The following PPP2R3A variants were observed in gnomAD, a reference collection of about 807,000 sequenced individuals.
PPP2R3A encodes the protein serine/threonine-protein phosphatase 2A regulatory subunit B'' subunit alpha.
PPP2R3A carries 80 observed loss-of-function variants against 106.9 expected under a neutral mutation model. The ratio of observed to expected loss-of-function variants is 0.75; its 90% CI spans 0.62 to 0.90. The LOEUF (loss-of-function observed/expected upper bound fraction) is 0.90, where lower values mean the gene tolerates loss of function less well. Among genes scored for constraint, PPP2R3A ranks in the 40% least tolerant of loss-of-function variants. The pLI is 0.00. For missense variants in PPP2R3A, 1,386 were observed against 1,350.4 expected, an observed-to-expected ratio of 1.03 and a Z score of -0.41; for synonymous variants, 483 against 468.3, an observed-to-expected ratio of 1.03 and a Z score of -0.41.
intron 2 of PPP2R3A, among the ~76,000 whole-genome samples, chr3:136,018,014 C>T (rs1295684204): frequency 6.6e-6 from 1 of 152,204 alleles, no homozygotes; most frequent in Non-Finnish European, 1.5e-5. Context: ...CACCTGTAAT[C>T]CCAGCACTTT....
intron 13 of PPP2R3A, among the ~76,000 whole-genome samples, chr3:136,115,861 A>G (rs1278054441): frequency 1.3e-5 from 2 of 152,110 alleles, no homozygotes; most frequent in Admixed American, 1.3e-4. Context: ...ACCTAGCAAG[A>G]CAGGCCAACA....
At chr3:136,085,465 A>G (rs1040721465) in intron 8 of PPP2R3A, among the ~76,000 whole-genome samples, 1 of 152,268 alleles carries the variant, frequency 6.6e-6, no homozygotes, top group East Asian at 1.9e-4. Flanking sequence ...AGACTAATAC[A>G]GATGGGGTTT....
chr3:136,122,136 T>G (rs984065083), intron 13 of PPP2R3A, among the ~76,000 whole-genome samples: 2 of 152,084 alleles, frequency 1.3e-5, no homozygotes, highest in African/African-American at 4.8e-5. Flanking sequence ...ATAAATGAAT[T>G]AGGCAATCCA....
intron 13 of PPP2R3A, among the ~76,000 whole-genome samples, chr3:136,119,073 T>C (rs1225334223): frequency 6.6e-6 from 1 of 152,276 alleles, no homozygotes; most frequent in African/African-American, 2.4e-5. Context: ...ACCACACATC[T>C]ACAACCATCT....
chr3:136,005,817 A>G (rs1933823473), intron 2 of PPP2R3A, among the ~76,000 whole-genome samples: 1 of 152,214 alleles, frequency 6.6e-6, no homozygotes. Flanking sequence ...TTTCCCTCAC[A>G]ATAACCTGTC....
At chr3:136,063,001 C>T (rs532593492) in intron 5 of PPP2R3A, among the ~76,000 whole-genome samples, 12 of 152,240 alleles carry the variant, frequency 7.9e-5, no homozygotes, top group Admixed American at 3.3e-4. Flanking sequence ...GGAGGCATCA[C>T]GCTACCTGAC....
At chr3:135,995,481 G>A (rs1933355153) in intron 1 of PPP2R3A, among the ~76,000 whole-genome samples, 1 of 109,132 alleles carries the variant, frequency 9.2e-6, no homozygotes, top group African/African-American at 3.6e-5. Context: ...TTGAGATGAA[G>A]TCTGTCTCTG....
chr3:136,000,986 G>A, intron 1 of PPP2R3A, 73 bp from the exon 2 acceptor site: 1 of 393,006 alleles, frequency 2.5e-6, no homozygotes, highest in Admixed American at 4.4e-5. Flanking sequence ...ACTGCAAATG[G>A]GATGCAAAGA....
At chr3:136,141,990 GT>G (rs955069719) in intron 13 of PPP2R3A, among the ~76,000 whole-genome samples, 9 of 152,160 alleles carry the variant, frequency 5.9e-5, no homozygotes, top group Admixed American at 4.6e-4. Context: ...ATGAGTTCAA[GT>G]TTATACATGC....
intron 4 of PPP2R3A, among the ~76,000 whole-genome samples, chr3:136,045,982 A>C (rs567478360): frequency 1.4e-4 from 21 of 151,404 alleles, no homozygotes; most frequent in Non-Finnish European, 2.4e-4. Flanking sequence ...CTAGGAGTTC[A>C]AGACCAGCCT....
At chr3:136,091,906 G>T (rs931331078) in intron 10 of PPP2R3A, among the ~76,000 whole-genome samples, 1 of 151,998 alleles carries the variant, frequency 6.6e-6, no homozygotes, top group Non-Finnish European at 1.5e-5. Flanking sequence ...TTCAGATTTT[G>T]GATTTTTTTC....
chr3:136,105,789 C>T (rs1328417801), intron 12 of PPP2R3A, among the ~76,000 whole-genome samples: 1 of 152,112 alleles, frequency 6.6e-6, no homozygotes, highest in African/African-American at 2.4e-5. Flanking sequence ...TGGCGAAACC[C>T]TGTCTCTACA....
intron 8 of PPP2R3A, 26 bp from the exon 9 acceptor site, chr3:136,087,857 G>A: frequency 6.3e-7 from 1 of 1,586,588 alleles, no homozygotes; most frequent in Non-Finnish European, 8.6e-7. Context: ...AACTAGCTTT[G>A]CAATTTTTTT....
chr3:136,045,089 T>G (rs1935426864), intron 4 of PPP2R3A, among the ~76,000 whole-genome samples: 1 of 152,178 alleles, frequency 6.6e-6, no homozygotes, highest in Non-Finnish European at 1.5e-5. Context: ...AGGGCTGTCT[T>G]TCCCACAGGA....
At chr3:136,075,171 A>G (rs1234344804) in intron 6 of PPP2R3A, among the ~76,000 whole-genome samples, 1 of 152,214 alleles carries the variant, frequency 6.6e-6, no homozygotes, top group East Asian at 1.9e-4. Context: ...AATAGATACC[A>G]AGAAGAAAGG....
chr3:136,031,413 C>T (rs376347080), intron 3 of PPP2R3A, among the ~76,000 whole-genome samples: 17 of 152,254 alleles, frequency 1.1e-4, no homozygotes, highest in East Asian at 9.6e-4. Context: ...AGTCCTTTGT[C>T]AGATGTATAG....
At chr3:136,049,458 G>T in intron 5 of PPP2R3A, 97 bp downstream of exon 5, 1 of 788,590 alleles carries the variant, frequency 1.3e-6, no homozygotes, top group Non-Finnish European at 2.0e-6. Flanking sequence ...GAGCTACACA[G>T]ATCTAGATAT....
chr3:136,035,978 G>A (rs1165548515), intron 3 of PPP2R3A, among the ~76,000 whole-genome samples: 1 of 151,618 alleles, frequency 6.6e-6, no homozygotes, highest in African/African-American at 2.4e-5. Context: ...TTGTCTTTGA[G>A]CTCTGAATTT....
chr3:136,101,153 T>C (rs1045155529), intron 10 of PPP2R3A, among the ~76,000 whole-genome samples: 5 of 152,156 alleles, frequency 3.3e-5, no homozygotes, highest in Non-Finnish European at 7.3e-5. Flanking sequence ...GAAGACTTCA[T>C]CAAGAACATG....
Sources: gnomAD v4.1 joint callset for allele counts (sites outside exome capture counted in the v4.1 genomes callset) on GRCh38, gnomAD v4.1.1 for gene constraint, MANE v1.5 for transcripts, NCBI Gene and HGNC (gene_info 2026-07-23, HGNC 2026-07-21) for gene names.